FAM216B: variants seen among roughly 807,000 people sequenced by gnomAD.
FAM216B encodes the protein family with sequence similarity 216 member B.
In FAM216B, 11 loss-of-function variants were observed where a neutral mutation model predicts 12.9. The observed-to-expected ratio is 0.86, with a 90% CI of 0.54 to 1.42. FAM216B has a LOEUF of 1.42. Among genes scored for constraint, FAM216B ranks in the 40% most tolerant of loss-of-function variants. FAM216B has a pLI of 0.00. For missense variants in FAM216B, 167 were observed against 162.9 expected (o/e 1.02, Z -0.14); for synonymous variants, 52 against 57.2 (o/e 0.91, Z 0.41).
At position 42,786,871 on chromosome 13, in the gene FAM216B, C is replaced by T. The variant is rs569905875; in HGVS notation, c.208C>T (p.Gln70Ter). The change falls in exon 3 of 4, where the codon CAA becomes TAA. Residue 70 changes from glutamine to a stop codon, truncating the protein, a stop_gained. Coordinates refer to ENST00000313851, the MANE Select transcript of FAM216B (RefSeq NM_001318932.2). LOFTEE classifies it low-confidence loss of function (END_TRUNC). ...QTRYIHSLQH[Q>*]QLLGYITQRE... ...CCGCTACATTCACAGCCTTCAGCAC[C>T]AACAGCTGCTTGGTAAGTTTAACTA... 3 of 1,613,892 alleles carry T rather than the reference C, an allele frequency of 1.9e-6. No individual in the cohort carries two copies. The highest frequency in any genetic ancestry group is 1.3e-5 in the African/African-American group (1 of 75,036).
intron 2 of FAM216B, 69 bp downstream of exon 2, chr13:42,784,235 G>A: frequency 1.8e-6 from 2 of 1,114,020 alleles, no homozygotes; most frequent in Non-Finnish European, 2.5e-6. Context: ...CAAGGTTTGA[G>A]GACTTTTTCT....
chr13:42,791,396 G>A lies in FAM216B; in HGVS notation c.*2606G>A, dbSNP rs1874309556. ...GTACTATATATTATTGCATTTAAAT[G>A]ATGGATTTGAAATAAACAATGATTA... On this transcript the variant is annotated 3_prime_UTR_variant, in exon 4 of 4. Transcript: ENST00000313851. The A allele has an allele frequency of 6.6e-6, 1 of 152,122 alleles. No individual in the cohort carries two copies. The highest frequency in any genetic ancestry group is 2.1e-4 in the South Asian group (1 of 4,828). The allele number at this position is 152,122 out of a possible 1,614,324, so 9.4% of individuals were successfully genotyped here.
At chr13:42,786,925 C>T (rs1050038770) in intron 3 of FAM216B, 42 bp downstream of exon 3, 1 of 1,608,532 alleles carries the variant, frequency 6.2e-7, no homozygotes. Flanking sequence ...CCTAAGGAAT[C>T]AACTCGTGCT....
At chr13:42,786,349 C>G (rs1241709417) in intron 2 of FAM216B, among the ~76,000 whole-genome samples, 1 of 151,686 alleles carries the variant, frequency 6.6e-6, no homozygotes, top group Non-Finnish European at 1.5e-5. Flanking sequence ...TACCACATTA[C>G]TCATCCATCT....
intron 1 of FAM216B, among the ~76,000 whole-genome samples, chr13:42,782,366 G>A (rs1449579626): frequency 6.6e-6 from 1 of 152,220 alleles, no homozygotes. Flanking sequence ...CACCCAGTGA[G>A]GTAGGCATTG....
chr13:42,788,926 A>G lies in FAM216B; in HGVS notation c.*136A>G. ...CAGACCTAAAAATAATCTCTGATTC[A>G]TATAAATTTTGCCAGCAAGACCAAG... On this transcript the variant is annotated 3_prime_UTR_variant, in exon 4 of 4. Transcript: ENST00000313851. The G allele has an allele frequency of 2.1e-6, 2 of 967,214 alleles. No individual in the cohort carries two copies. Among genetic ancestry groups the G allele is most frequent in the Non-Finnish European group, 2.9e-6 (2 of 688,448 alleles). The allele number at this position is 967,214 out of a possible 1,614,324, so 59.9% of individuals were successfully genotyped here. A position where few individuals can be genotyped will look rare whatever the true frequency, so the allele number is the denominator to read the frequency against.
At chr13:42,783,898 G>A (rs920933057) in intron 1 of FAM216B, among the ~76,000 whole-genome samples, 156 bp from the exon 2 acceptor site, 1 of 152,090 alleles carries the variant, frequency 6.6e-6, no homozygotes, top group African/African-American at 2.4e-5. Context: ...GTCTGGTGAT[G>A]TCCAATTACT....
chr13:42,788,620 T>A lies in FAM216B; in HGVS notation c.250T>A (p.Tyr84Asn). 10 of 1,613,872 alleles carry A rather than the reference T, an allele frequency of 6.2e-6. No homozygotes were observed. The highest frequency in any genetic ancestry group is 8.5e-6 in the Non-Finnish European group (10 of 1,179,810). ...GYITQREALS[Y>N]ALVLRDSTKR... ...TATTACTCAACGGGAAGCCTTGTCTTATGCTCTTGTACTTAGAGATTCAAC... is the reference window on the plus strand; with the variant it reads ...TATTACTCAACGGGAAGCCTTGTCTAATGCTCTTGTACTTAGAGATTCAAC... Residue 84 changes from tyrosine (Y) to asparagine (N), a missense_variant, in exon 4 of 4, where the codon TAT (tyrosine) becomes AAT (asparagine). Physicochemically the swap from Tyr to Asn is moderately radical, Grantham distance 143. Transcript: ENST00000313851.
rs1874274391 is a variant in FAM216B at position 42,790,490 on chromosome 13, G to A, written c.*1700G>A. 6.6e-6 allele frequency: 1 copy of A among 152,112 alleles called. No homozygotes were observed. Among genetic ancestry groups the A allele is most frequent in the Non-Finnish European group, 1.5e-5 (1 of 68,018 alleles). The allele number at this position is 152,112 out of a possible 1,614,324, so 9.4% of individuals were successfully genotyped here. On this transcript the variant is annotated 3_prime_UTR_variant, in exon 4 of 4. Transcript: ENST00000313851. ...TGTAAGAGCAGATTGACAGGTGAAT[G>A]TCACAGGTCCATAAGAAGGACAAAT... is the stretch of plus-strand genomic sequence containing the variant.
At chr13:42,782,996 A>G (rs912087561) in intron 1 of FAM216B, among the ~76,000 whole-genome samples, 11 of 127,830 alleles carry the variant, frequency 8.6e-5, no homozygotes, top group African/African-American at 3.0e-4. Flanking sequence ...ATGTACACAG[A>G]AAAAAAAAAT....
chr13:42,785,037 T>C (rs953442704), intron 2 of FAM216B, among the ~76,000 whole-genome samples: 2 of 152,144 alleles, frequency 1.3e-5, no homozygotes, highest in African/African-American at 4.8e-5. Flanking sequence ...AAGATTTTTA[T>C]CTTCTATGGA....
chr13:42,783,994 C>T, intron 1 of FAM216B, 60 bp from the exon 2 acceptor site: 1 of 1,035,434 alleles, frequency 9.7e-7, no homozygotes, highest in Non-Finnish European at 1.4e-6. Flanking sequence ...TACTTAAGTA[C>T]ATCCCCAAAA....
At chr13:42,787,011 T>C in intron 3 of FAM216B, 128 bp downstream of exon 3, 1 of 1,395,536 alleles carries the variant, frequency 7.2e-7, no homozygotes, top group Non-Finnish European at 9.6e-7. Context: ...TCAACATAGC[T>C]GGTTAGCCAA....
chr13:42,786,768 C>T lies in FAM216B; in HGVS notation c.105C>T (p.Leu35=). 6.8e-6 allele frequency: 11 copies of T among 1,613,988 alleles called. No homozygotes were observed. The highest frequency in any genetic ancestry group is 8.5e-6 in the Non-Finnish European group (10 of 1,179,894). The change falls in exon 3 of 4, where the codon CTC becomes CTT. Residue 35 remains leucine, a synonymous_variant. Coordinates refer to ENST00000313851, the MANE Select transcript of FAM216B (RefSeq NM_001318932.2). ...SIYDTSLLKA[L]NQGQQRYFYS... is the part of the protein sequence containing the mutation. ...CACCTGTTCTGTTCCAACAGGCCCT[C>T]AACCAAGGGCAACAGCGCTACTTTT... is the stretch of plus-strand genomic sequence containing the variant.
chr13:42,790,754 G>A lies in FAM216B; in HGVS notation c.*1964G>A, dbSNP rs1431715099. 1 of 152,184 alleles carries A rather than the reference G, an allele frequency of 6.6e-6. No individual in the cohort carries two copies. Among genetic ancestry groups the A allele is most frequent in the African/African-American group, 2.4e-5 (1 of 41,454 alleles). 9.4% of individuals were successfully genotyped at this position (152,184 alleles called of 1,614,324 possible). A position where few individuals can be genotyped will look rare whatever the true frequency, so the allele number is the denominator to read the frequency against. The stretch of plus-strand genomic sequence containing the variant: ...ACTGTTGGAGAAAATGCTATTGCTT[G>A]CACTCACAATGTCAATATACATTAT... On this transcript the variant is annotated 3_prime_UTR_variant, in exon 4 of 4. Coordinates refer to ENST00000313851, the MANE Select transcript of FAM216B (RefSeq NM_001318932.2).
intron 2 of FAM216B, 148 bp downstream of exon 2, chr13:42,784,314 G>T (rs1873985564): frequency 8.6e-6 from 5 of 581,492 alleles, no homozygotes; most frequent in Non-Finnish European, 1.5e-5. Context: ...CATGTTGAAG[G>T]CCATTCATGA....
rs1381819824 is a variant in FAM216B at position 42,786,788 on chromosome 13, A to T, written c.125A>T (p.Tyr42Phe). 1 of 1,614,090 alleles carries T rather than the reference A, an allele frequency of 6.2e-7. No individual in the cohort carries two copies. The highest frequency in any genetic ancestry group is 8.5e-7 in the Non-Finnish European group (1 of 1,179,950). ...LKALNQGQQR[Y>F]FYSIMRIYNS... ...GCCCTCAACCAAGGGCAACAGCGCT[A>T]CTTTTACAGCATTATGAGGATTTAC... Residue 42 changes from tyrosine (Y) to phenylalanine (F), a missense_variant, in exon 3 of 4, where the codon TAC (tyrosine) becomes TTC (phenylalanine). Tyr to Phe is a conservative substitution (Grantham distance 22). Coordinates refer to ENST00000313851, the MANE Select transcript of FAM216B (RefSeq NM_001318932.2).
chr13:42,787,361 C>T (rs529430651), intron 3 of FAM216B, among the ~76,000 whole-genome samples: 99 of 152,284 alleles, frequency 6.5e-4, no homozygotes, highest in African/African-American at 2.1e-3. Flanking sequence ...GAAGCTCAGG[C>T]AGGTTATGTA....
chr13:42,785,590 A>G (rs2324969), intron 2 of FAM216B, among the ~76,000 whole-genome samples: 68,925 of 152,090 alleles, frequency 0.45, 16,091 homozygotes, highest in African/African-American at 0.57. Context: ...GATTATGCAT[A>G]CAAAATACAT....
Sources: gnomAD v4.1 joint callset for allele counts (sites outside exome capture counted in the v4.1 genomes callset) on GRCh38, gnomAD v4.1.1 for gene constraint, MANE v1.5 for transcripts, NCBI Gene and HGNC (gene_info 2026-07-23, HGNC 2026-07-21) for gene names.